Variants in FAF1 observed in about 807,000 individuals in gnomAD.
FAF1 encodes FAS-associated factor 1.
Under a neutral mutation model 92.5 loss-of-function variants are expected in FAF1, and 25 were observed. The observed-to-expected ratio is 0.27, with a 90% confidence interval of 0.20 to 0.38. The LOEUF is 0.38. FAF1 is among the 10% of genes least tolerant of loss of function. The probability of loss-of-function intolerance (pLI) is 1.00; values close to 1 mark genes in which losing one functional copy is unlikely to be tolerated. For missense variants in FAF1, 636 were observed against 793.3 expected (o/e 0.80, Z 2.38); for synonymous variants, 234 against 273.2 (o/e 0.86, Z 1.42).
intron 18 of FAF1, among the ~76,000 whole-genome samples, chr1:50,453,309 A>G (rs945517728): frequency 3.2e-4 from 49 of 152,326 alleles, no homozygotes; most frequent in African/African-American, 1.1e-3. Flanking sequence ...AATGAATTTT[A>G]ATATCCAAGC....
At chr1:50,897,175 T>C (rs967633415) in intron 1 of FAF1, among the ~76,000 whole-genome samples, 1 of 152,180 alleles carries the variant, frequency 6.6e-6, no homozygotes, top group African/African-American at 2.4e-5. Context: ...TATAAATAAA[T>C]GGAGAGATAG....
rs1313581688 is a variant in FAF1 at position 50,479,751 on chromosome 1, C to T, written c.1654-4072G>A. ...TCATTCATTATACAGACAATGTCTG[C>T]TCCTCAATGTATACAGTCTCCAGGG... On this transcript the variant is annotated intron_variant, in intron 17 of 18. Transcript: ENST00000396153. Among the ~76,000 whole-genome samples, 3 of 152,308 alleles carry T rather than the reference C, an allele frequency of 2.0e-5. No homozygotes were observed. In the East Asian group the frequency reaches 5.8e-4, roughly 29 times the overall value.
At chr1:50,463,124 T>G (rs999447128) in intron 18 of FAF1, among the ~76,000 whole-genome samples, 1 of 152,220 alleles carries the variant, frequency 6.6e-6, no homozygotes, top group African/African-American at 2.4e-5. Context: ...TCTGGCATTT[T>G]GGTATATGTC....
intron 2 of FAF1, among the ~76,000 whole-genome samples, chr1:50,847,905 A>G (rs1243308581): frequency 6.6e-6 from 1 of 151,842 alleles, no homozygotes. Flanking sequence ...ACACACACAC[A>G]CCCCTCTAGG....
At chr1:50,491,470 A>G (rs1646838305) in intron 16 of FAF1, among the ~76,000 whole-genome samples, 1 of 152,222 alleles carries the variant, frequency 6.6e-6, no homozygotes, top group Admixed American at 6.5e-5. Flanking sequence ...GGTTTCTATC[A>G]TAGACCAACT....
At chr1:50,486,551 A>G (rs1452891550) in intron 17 of FAF1, among the ~76,000 whole-genome samples, 1 of 151,884 alleles carries the variant, frequency 6.6e-6, no homozygotes, top group Non-Finnish European at 1.5e-5. Flanking sequence ...CTACGGGCGC[A>G]CCGTGAAGTC....
intron 1 of FAF1, among the ~76,000 whole-genome samples, chr1:50,880,866 A>T (rs1235919099): frequency 6.6e-6 from 1 of 151,734 alleles, no homozygotes; most frequent in Non-Finnish European, 1.5e-5. Context: ...AAAAAAACTA[A>T]ACTCTAGCAC....
rs33971185 is a variant in FAF1, at chr1:50,922,458, C to CAAAAAAAA, written c.45+37301_45+37308dup. Among the ~76,000 whole-genome samples the CAAAAAAAA allele has an allele frequency of 4.2e-3, 157 of 37,036 alleles. 3 individuals are homozygous for CAAAAAAAA. Among genetic ancestry groups the CAAAAAAAA allele is most frequent in the African/African-American group, 7.7e-3 (63 of 8,140 alleles). 24.3% of individuals were successfully genotyped at this position (37,036 alleles called of 152,430 possible). On this transcript the variant is annotated intron_variant, in intron 1 of 18. Coordinates refer to ENST00000396153, the MANE Select transcript of FAF1 (RefSeq NM_007051.3). ...TGGGTGACAGAGTAAGACTCTGCCTCAAAAAAAAAAAAAAAAAAAAAAAAG... is the reference window on the plus strand; with the variant it reads ...TGGGTGACAGAGTAAGACTCTGCCTCAAAAAAAAAAAAAAAAAAAAAAAAAAAAAAAAG...
intron 15 of FAF1, among the ~76,000 whole-genome samples, chr1:50,497,456 T>C (rs2149013220): frequency 6.6e-6 from 1 of 151,446 alleles, no homozygotes; most frequent in East Asian, 1.9e-4. Context: ...CATAAAGGAA[T>C]GGCTTTGTGT....
At chr1:50,844,243 T>C (rs1644280059) in intron 2 of FAF1, among the ~76,000 whole-genome samples, 1 of 152,188 alleles carries the variant, frequency 6.6e-6, no homozygotes, top group Admixed American at 6.5e-5. Context: ...TTTTCTGCAG[T>C]TGAGTTGAAT....
At chr1:50,600,935 T>C (rs1652090542) in intron 8 of FAF1, among the ~76,000 whole-genome samples, 1 of 152,210 alleles carries the variant, frequency 6.6e-6, no homozygotes, top group Non-Finnish European at 1.5e-5. Flanking sequence ...GAATGGTAAA[T>C]GTCAATGAAT....
At chr1:50,906,896 G>A (rs1196495732) in intron 1 of FAF1, among the ~76,000 whole-genome samples, 2 of 152,120 alleles carry the variant, frequency 1.3e-5, no homozygotes, top group Non-Finnish European at 2.9e-5. Context: ...GGTTGCCCTG[G>A]CCAGAACTTC....
At chr1:50,639,428 G>A (rs888717377) in intron 8 of FAF1, among the ~76,000 whole-genome samples, 8 of 152,120 alleles carry the variant, frequency 5.3e-5, no homozygotes, top group African/African-American at 1.9e-4. Flanking sequence ...TATCATGAAT[G>A]TATGCTAAAT....
At chr1:50,693,416 T>C (rs772467164) in intron 7 of FAF1, among the ~76,000 whole-genome samples, 8 of 152,180 alleles carry the variant, frequency 5.3e-5, no homozygotes, top group African/African-American at 2.4e-5. Context: ...TTATGCTGGT[T>C]CCACAGTCTT....
chr1:50,850,037 T>C (rs952830180), intron 2 of FAF1, among the ~76,000 whole-genome samples: 6 of 150,284 alleles, frequency 4.0e-5, no homozygotes, highest in African/African-American at 1.5e-4. Context: ...ACTGAAAGAA[T>C]AGTCTGTTAA....
rs553472603 is a variant in FAF1, at chr1:50,901,061, G to C, written c.46-43064C>G. Among the ~76,000 whole-genome samples the C allele has an allele frequency of 2.0e-5, 3 of 152,118 alleles. No individual in the cohort carries two copies. The South Asian group carries it at 6.2e-4, about 32-fold the overall frequency. On this transcript the variant is annotated intron_variant, in intron 1 of 18. Coordinates refer to ENST00000396153, the MANE Select transcript of FAF1 (RefSeq NM_007051.3). ...AAAAAGTAGATAGAAAAATATGGAAGTATTTCAAAATGTATTATATATTTA... is the reference window on the plus strand; with the variant it reads ...AAAAAGTAGATAGAAAAATATGGAACTATTTCAAAATGTATTATATATTTA...
chr1:50,869,353 T>C (rs183868542), intron 1 of FAF1, among the ~76,000 whole-genome samples: 66 of 152,296 alleles, frequency 4.3e-4, no homozygotes, highest in Admixed American at 2.9e-3. Context: ...TACTTATATT[T>C]CATGTAATTA....
chr1:50,936,267 TA>T (rs771479068), intron 1 of FAF1, among the ~76,000 whole-genome samples: 1 of 152,158 alleles, frequency 6.6e-6, no homozygotes, highest in Non-Finnish European at 1.5e-5. Flanking sequence ...ATTTACAAAG[TA>T]ATGTGATAGC....
chr1:50,725,003 G>A (rs1417175633), intron 6 of FAF1, among the ~76,000 whole-genome samples: 1 of 152,178 alleles, frequency 6.6e-6, no homozygotes, highest in East Asian at 1.9e-4. Flanking sequence ...TTTAGATCTA[G>A]AGCAAGATTT....
Sources: gnomAD v4.1 joint callset for allele counts (sites outside exome capture counted in the v4.1 genomes callset) on GRCh38, gnomAD v4.1.1 for gene constraint, MANE v1.5 for transcripts, NCBI Gene and HGNC (gene_info 2026-07-23, HGNC 2026-07-21) for gene names.